The following VPS13D variants were observed in gnomAD, a reference collection of about 807,000 sequenced individuals.
VPS13D encodes vacuolar protein sorting 13 homolog D, also known as intermembrane lipid transfer protein VPS13D.
Under a neutral mutation model 461.9 loss-of-function variants are expected in VPS13D, and 187 were observed. That is an observed-to-expected ratio of 0.40 (90% confidence interval 0.36 to 0.46). The LOEUF (loss-of-function observed/expected upper bound fraction) is 0.46. VPS13D is among the 20% of genes least tolerant of loss of function. VPS13D has a pLI of 0.60. For missense variants in VPS13D, 4,711 were observed against 5,364.9 expected, an observed-to-expected ratio of 0.88 and a Z score of 3.81; for synonymous variants, 1,951 against 1,986.3, an observed-to-expected ratio of 0.98 and a Z score of 0.47.
At chr1:12,437,196 T>C (rs758219352) in intron 65 of VPS13D, among the ~76,000 whole-genome samples, 22 of 152,120 alleles carry the variant, frequency 1.4e-4, no homozygotes, top group Non-Finnish European at 1.3e-4. Flanking sequence ...CTGACCAGAG[T>C]GACTCAGTCT....
rs1640971117 is a variant in VPS13D at position 12,257,922 on chromosome 1, TG to T, written c.942-11del. 1 of 1,614,108 alleles carries T rather than the reference TG, an allele frequency of 6.2e-7. No homozygotes were observed. The highest frequency in any genetic ancestry group is 8.5e-7 in the Non-Finnish European group (1 of 1,179,938). On this transcript the variant is annotated splice_polypyrimidine_tract_variant and intron_variant, in intron 9 of 69. Transcript: ENST00000620676. ...GTTGTAAGAAGTGATTACATCGTTA[TG>T]GACTATTTCAGCTGCCGAGAATGGT...
intron 65 of VPS13D, among the ~76,000 whole-genome samples, chr1:12,418,559 A>G (rs1238061643): frequency 1.3e-5 from 2 of 152,238 alleles, no homozygotes; most frequent in African/African-American, 4.8e-5. Flanking sequence ...CCATAATTTT[A>G]AAAATGAAGA....
chr1:12,415,449 G>C (rs1196529817), intron 64 of VPS13D, among the ~76,000 whole-genome samples: 2 of 152,126 alleles, frequency 1.3e-5, no homozygotes, highest in African/African-American at 4.8e-5. Flanking sequence ...GAGCTAGTCT[G>C]AGGGGTTCCT....
chr1:12,232,220 G>C (rs1056417737), intron 1 of VPS13D, among the ~76,000 whole-genome samples: 1 of 151,824 alleles, frequency 6.6e-6, no homozygotes, highest in African/African-American at 2.4e-5. Flanking sequence ...TCTTTTTGCT[G>C]TCACTGTTGA....
At chr1:12,490,872 C>T (rs567615482) in intron 67 of VPS13D, among the ~76,000 whole-genome samples, 190 of 152,102 alleles carry the variant, frequency 1.2e-3, no homozygotes, top group South Asian at 4.2e-3. Context: ...ATGCAGCCCA[C>T]GGCATGGTGG....
At position 12,249,293 on chromosome 1, in the gene VPS13D, G is replaced by A. The variant is rs185443968; in HGVS notation, c.518G>A (p.Gly173Asp). The A allele has an allele frequency of 3.6e-4, 585 of 1,613,738 alleles. 1 individual carries two copies. Among genetic ancestry groups the A allele is most frequent in the South Asian group, 1.5e-3 (136 of 91,042 alleles). Residue 173 changes from glycine to aspartate, a missense_variant, in exon 6 of 70, where the codon GGC (glycine) becomes GAC (aspartate). Physicochemically the swap from Gly to Asp is moderately conservative, Grantham distance 94. Transcript: ENST00000620676. ...AATCCCTCCCATCCTTTTGCTTTTGGCATCTGCATTAAGAATGTGTCCATG... is the reference window on the plus strand; with the variant it reads ...AATCCCTCCCATCCTTTTGCTTTTGACATCTGCATTAAGAATGTGTCCATG... Reference protein sequence around the residue: ...VTNPSHPFAFGICIKNVSMQN... With the variant: ...VTNPSHPFAFDICIKNVSMQN...
chr1:12,350,663 A>C (rs1306545386), intron 46 of VPS13D, among the ~76,000 whole-genome samples: 1 of 152,208 alleles, frequency 6.6e-6, no homozygotes, highest in African/African-American at 2.4e-5. Flanking sequence ...TTCTGCCTTC[A>C]GAAGTTAGTT....
rs149431025 is a variant in VPS13D at position 12,349,365 on chromosome 1, G to A, written c.9422G>A (p.Arg3141Gln). Residue 3141 changes from arginine (R) to glutamine (Q), a missense_variant, in exon 46 of 70, where the codon CGA becomes CAA. This residue lies in a region of VPS13D where 4,411 missense variants were observed against 4,937.8 expected (regional missense o/e 0.89). Coordinates refer to ENST00000620676, the MANE Select transcript of VPS13D (RefSeq NM_015378.4). ...ECHSMDTEKS[R>Q]FFRFCVAIKK... Reference sequence around the variant, plus strand: ...CACTCTATGGACACAGAAAAAAGCCGATTTTTCAGGTATGTAGCACCACTG... The same window carrying A: ...CACTCTATGGACACAGAAAAAAGCCAATTTTTCAGGTATGTAGCACCACTG... The A allele has an allele frequency of 2.8e-4, 455 of 1,613,716 alleles. 5 individuals are homozygous for A. The South Asian group carries it at 4.4e-3, about 16-fold the overall frequency.
intron 24 of VPS13D, among the ~76,000 whole-genome samples, chr1:12,297,723 T>C (rs1340497826): frequency 2.0e-5 from 3 of 152,208 alleles, no homozygotes; most frequent in South Asian, 2.1e-4. Flanking sequence ...GAGTGTGTCA[T>C]GCAGCTTGCC....
chr1:12,254,513 CTTTTTTTTTT>C (rs1017635589), intron 7 of VPS13D, among the ~76,000 whole-genome samples: 10 of 78,238 alleles, frequency 1.3e-4, no homozygotes, highest in Non-Finnish European at 1.8e-4. Context: ...AAATCTCAAT[CTTTTTTTTTT>C]TTTTTTTTTT....
intron 33 of VPS13D, 48 bp downstream of exon 33, chr1:12,322,012 G>A: frequency 1.3e-6 from 2 of 1,591,800 alleles, no homozygotes; most frequent in Non-Finnish European, 8.5e-7. Context: ...CTCAAACACT[G>A]TCCTATGCAG....
At chr1:12,262,388 A>T (rs991021075) in intron 13 of VPS13D, among the ~76,000 whole-genome samples, 5 of 152,248 alleles carry the variant, frequency 3.3e-5, no homozygotes, top group African/African-American at 1.2e-4. Context: ...TTTCAACTTT[A>T]CAAGTGGCAC....
At chr1:12,405,705 A>C (rs927164907) in intron 63 of VPS13D, among the ~76,000 whole-genome samples, 2 of 152,232 alleles carry the variant, frequency 1.3e-5, no homozygotes, top group African/African-American at 4.8e-5. Context: ...TCTTGTTAAT[A>C]TCCACAAGTA....
At chr1:12,381,922 T>TTTTCTTTTCTTTCTTTCTTTCTTTC (rs71570104) in intron 57 of VPS13D, among the ~76,000 whole-genome samples, 27 of 101,258 alleles carry the variant, frequency 2.7e-4, no homozygotes, top group East Asian at 5.4e-4. Context: ...CTTTCTTTTC[T>TTTTCTTTTCTTTCTTTCTTTCTTTC]TTTCTTTCTT....
intron 60 of VPS13D, among the ~76,000 whole-genome samples, chr1:12,388,770 A>C (rs1475899388): frequency 6.6e-6 from 1 of 152,172 alleles, no homozygotes; most frequent in Non-Finnish European, 1.5e-5. Context: ...AAATTGTATA[A>C]AAAAGCAAGA....
chr1:12,240,481 G>C (rs1640309658), intron 2 of VPS13D, among the ~76,000 whole-genome samples: 1 of 151,166 alleles, frequency 6.6e-6, no homozygotes, highest in African/African-American at 2.4e-5. Context: ...TATAGTCCCA[G>C]CTACTCGGGA....
intron 27 of VPS13D, among the ~76,000 whole-genome samples, chr1:12,308,854 G>A (rs1642648387): frequency 6.6e-6 from 1 of 151,946 alleles, no homozygotes; most frequent in Non-Finnish European, 1.5e-5. Flanking sequence ...GTTTTACCAT[G>A]TTGTGGTCTT....
chr1:12,341,667 A>G (rs1002046326), intron 40 of VPS13D, 113 bp from the exon 41 acceptor site: 3 of 853,022 alleles, frequency 3.5e-6, no homozygotes, highest in Non-Finnish European at 5.6e-6. Flanking sequence ...TCTTGCTTCC[A>G]CCTTCAGCCC....
At chr1:12,341,618 A>G (rs542060967) in intron 40 of VPS13D, among the ~76,000 whole-genome samples, 162 bp from the exon 41 acceptor site, 2 of 152,352 alleles carry the variant, frequency 1.3e-5, no homozygotes, top group East Asian at 3.9e-4. Flanking sequence ...CATAGCAGCC[A>G]GCAAATACGT....
Sources: gnomAD v4.1 joint callset for allele counts (sites outside exome capture counted in the v4.1 genomes callset) on GRCh38, gnomAD v4.1.1 for gene constraint, gnomAD v4.1.1 regional missense constraint, MANE v1.5 for transcripts, NCBI Gene and HGNC (gene_info 2026-07-23, HGNC 2026-07-21) for gene names.